Variants in MCTP1 observed in about 807,000 individuals in gnomAD.
MCTP1 encodes the protein multiple C2 and transmembrane domain-containing protein 1.
In MCTP1, 69 loss-of-function variants were observed where a neutral mutation model predicts 120.6. That is an observed-to-expected ratio of 0.57 (90% CI 0.47 to 0.70). MCTP1 has a LOEUF of 0.70. MCTP1 is among the 30% of genes least tolerant of loss of function. The probability of loss-of-function intolerance (pLI) is 0.00; values close to 1 mark genes in which losing one functional copy is unlikely to be tolerated. For missense variants in MCTP1, 1,203 were observed against 1,248.8 expected, an observed-to-expected ratio of 0.96 and a Z score of 0.55; for synonymous variants, 529 against 493.1, an observed-to-expected ratio of 1.07 and a Z score of -0.96.
intron 17 of MCTP1, among the ~76,000 whole-genome samples, chr5:94,808,627 T>TTG (rs902495697): frequency 2.0e-5 from 3 of 152,140 alleles, no homozygotes; most frequent in African/African-American, 7.2e-5. Context: ...TTGTGTTTTG[T>TTG]TGTGTGTGTG....
intron 17 of MCTP1, among the ~76,000 whole-genome samples, chr5:94,846,129 G>A (rs922700634): frequency 2.0e-5 from 3 of 152,056 alleles, no homozygotes; most frequent in South Asian, 2.1e-4. Flanking sequence ...TTGGCTATTC[G>A]GCCCAGTAAT....
intron 10 of MCTP1, among the ~76,000 whole-genome samples, chr5:94,901,064 G>A (rs1805395477): frequency 6.6e-6 from 1 of 152,142 alleles, no homozygotes; most frequent in African/African-American, 2.4e-5. Flanking sequence ...TTTTGTATTA[G>A]TCTGTTCTGA....
intron 8 of MCTP1, among the ~76,000 whole-genome samples, chr5:94,913,695 T>C (rs1264898788): frequency 6.6e-6 from 1 of 152,064 alleles, no homozygotes; most frequent in Non-Finnish European, 1.5e-5. Flanking sequence ...CTTTAATGAC[T>C]TTTATTATTC....
intron 17 of MCTP1, among the ~76,000 whole-genome samples, chr5:94,858,342 GTGTGA>G (rs1346410955): frequency 6.6e-6 from 1 of 151,622 alleles, no homozygotes; most frequent in Non-Finnish European, 1.5e-5. Context: ...TGGAGCTATA[GTGTGA>G]TGTGATTTCC....
chr5:94,943,513 T>C (rs1818220814), intron 3 of MCTP1, among the ~76,000 whole-genome samples: 1 of 152,104 alleles, frequency 6.6e-6, no homozygotes, highest in South Asian at 2.1e-4. Context: ...CTTCCATCCA[T>C]CTATTAATTT....
intron 17 of MCTP1, among the ~76,000 whole-genome samples, chr5:94,818,289 AAAGGACCATT>A (rs1784904770): frequency 6.6e-6 from 1 of 152,220 alleles, no homozygotes; most frequent in Admixed American, 6.5e-5. Flanking sequence ...AAGTAAGTAA[AAAGGACCATT>A]TAAACATCTT....
In MCTP1 at chr5:94,870,961, C is replaced by T. The variant is rs781305620; in HGVS notation, c.2152G>A (p.Glu718Lys). 1 of 1,612,970 alleles carries T rather than the reference C, an allele frequency of 6.2e-7. No individual in the cohort carries two copies. Among genetic ancestry groups the T allele is most frequent in the Non-Finnish European group, 8.5e-7 (1 of 1,179,324 alleles). ...TTTTTCAAGACGTAGGCTTTCTGTT[C>T]ACCATTTTGAATCTGCGGGAAAAGG... ...AIPLLSIQNGEQKAYVLKNKQ... is the reference protein window; with the variant it reads ...AIPLLSIQNGKQKAYVLKNKQ... The change falls in exon 15 of 23, where the codon GAA becomes AAA. Residue 718 changes from glutamate (E) to lysine (K), a missense_variant. Physicochemically the swap from Glu to Lys is moderately conservative, Grantham distance 56 (BLOSUM62 1). This residue lies in a region of MCTP1 where 740 missense variants were observed against 871.1 expected (regional missense o/e 0.85). Coordinates refer to ENST00000515393, the MANE Select transcript of MCTP1 (RefSeq NM_024717.7).
intron 1 of MCTP1, among the ~76,000 whole-genome samples, chr5:95,070,097 G>A (rs1328528657): frequency 6.6e-6 from 1 of 152,198 alleles, no homozygotes; most frequent in Non-Finnish European, 1.5e-5. Context: ...TTGTGGTGGA[G>A]TCTGGAATTT....
chr5:95,284,519 G>A lies in MCTP1; in HGVS notation c.57C>T (p.Ser19=), dbSNP rs1760604163. 6.7e-7 allele frequency: 1 copy of A among 1,499,214 alleles called. No homozygotes were observed. Among genetic ancestry groups the A allele is most frequent in the South Asian group, 1.3e-5 (1 of 79,740 alleles). The allele number at this position is 1,499,214 out of a possible 1,614,324, so 92.9% of individuals were successfully genotyped here. The part of the protein sequence containing the change: ...GEPEPPAASS[S]FQARLWKNLQ... ...GGTTCTTCCAGAGCCGGGCCTGGAAGGAGGAGGACGCCGCCGGCGGCTCTG... is the reference window on the plus strand; with the variant it reads ...GGTTCTTCCAGAGCCGGGCCTGGAAAGAGGAGGACGCCGCCGGCGGCTCTG... Residue 19 remains serine, a synonymous_variant, in exon 1 of 23, where the codon TCC becomes TCT. Transcript: ENST00000515393. The surrounding 1 kb of genome is among the most constrained non-coding windows in gnomAD (Gnocchi z 5.2).
intron 2 of MCTP1, among the ~76,000 whole-genome samples, chr5:94,954,378 GA>G (rs1434603852): frequency 6.6e-6 from 1 of 151,352 alleles, no homozygotes; most frequent in Admixed American, 6.6e-5. Flanking sequence ...ACAAAGAATG[GA>G]AAAATAGACA....
chr5:95,012,355 T>C (rs1231469668), intron 2 of MCTP1, among the ~76,000 whole-genome samples: 1 of 152,138 alleles, frequency 6.6e-6, no homozygotes, highest in Non-Finnish European at 1.5e-5. Flanking sequence ...TCAGAATCAA[T>C]AATCATGGCC....
At chr5:95,070,187 A>G (rs1212597318) in intron 1 of MCTP1, among the ~76,000 whole-genome samples, 1 of 152,194 alleles carries the variant, frequency 6.6e-6, no homozygotes, top group Non-Finnish European at 1.5e-5. Context: ...GGTCCATGGA[A>G]GGCCTACTAG....
rs185603772 is a variant in MCTP1 at position 94,962,051 on chromosome 5, G to A, written c.839-8690C>T. Among the ~76,000 whole-genome samples the A allele has an allele frequency of 6.1e-4, 93 of 152,076 alleles. No individual in the cohort carries two copies. The South Asian group carries it at 9.2e-3, about 15-fold the overall frequency. On this transcript the variant is annotated intron_variant, in intron 2 of 22. Coordinates refer to ENST00000515393, the MANE Select transcript of MCTP1 (RefSeq NM_024717.7). ...ACAAACACATGAAAAAATGGTCAAC[G>A]TCACTAATAATCAGGGAAATGCAAA...
chr5:94,989,406 T>G (rs755384338), intron 2 of MCTP1, among the ~76,000 whole-genome samples: 1 of 152,216 alleles, frequency 6.6e-6, no homozygotes, highest in Non-Finnish European at 1.5e-5. Flanking sequence ...TTTCTGTAGG[T>G]CAGGCTTGGC....
intron 19 of MCTP1, among the ~76,000 whole-genome samples, chr5:94,750,973 T>C (rs1433281205): frequency 1.3e-5 from 2 of 152,176 alleles, no homozygotes; most frequent in African/African-American, 4.8e-5. Context: ...AACCGAAACC[T>C]GGGCAGGATT....
At chr5:95,167,472 AG>A (rs1407020652) in intron 1 of MCTP1, among the ~76,000 whole-genome samples, 1 of 152,184 alleles carries the variant, frequency 6.6e-6, no homozygotes, top group Admixed American at 6.5e-5. Context: ...TAGATCCCTG[AG>A]GAATCGCCAC....
chr5:95,018,208 C>T (rs957276508), intron 1 of MCTP1, among the ~76,000 whole-genome samples: 12 of 152,000 alleles, frequency 7.9e-5, no homozygotes, highest in African/African-American at 2.9e-4. Flanking sequence ...GATATTAAAA[C>T]AACACAAATG....
intron 2 of MCTP1, chr5:94,980,697 A>G (rs921741647): frequency 2.0e-5 from 3 of 152,008 alleles, no homozygotes; most frequent in Admixed American, 2.0e-4. Flanking sequence ...ACGATTCTAT[A>G]TTTGAGGTCA....
rs542216392 is a variant in MCTP1, at chr5:94,727,163, C to T, written c.2611-12277G>A. On this transcript the variant is annotated intron_variant, in intron 19 of 22. Coordinates refer to ENST00000515393, the MANE Select transcript of MCTP1 (RefSeq NM_024717.7). ...AGAGATTTGTTGATATATTCTAAGG[C>T]TAGCATAGACAAAACAGCACAGGAA... is the stretch of plus-strand genomic sequence containing the variant. 2.6e-5 allele frequency among the ~76,000 whole-genome samples: 4 copies of T among 152,314 alleles called. No homozygotes were observed. In the South Asian group the frequency reaches 8.3e-4, roughly 32 times the overall value.
Sources: allele counts gnomAD v4.1 joint callset (sites outside exome capture counted in the v4.1 genomes callset), GRCh38; gene constraint gnomAD v4.1.1; regional missense constraint gnomAD v4.1.1; non-coding constraint Gnocchi (gnomAD v3.1); transcripts MANE v1.5; gene names NCBI Gene and HGNC (gene_info 2026-07-23, HGNC 2026-07-21).